ARHGAP24: variants seen among roughly 807,000 people sequenced by gnomAD.
ARHGAP24 encodes the protein Rho GTPase activating protein 24.
A neutral mutation model predicts 76.4 loss-of-function variants in ARHGAP24; 50 were observed. That is an observed-to-expected ratio of 0.65 (90% CI 0.52 to 0.83). ARHGAP24 has a LOEUF of 0.83. Among genes scored for constraint, ARHGAP24 ranks in the 40% least tolerant of loss-of-function variants. The probability of loss-of-function intolerance (pLI) is 0.00; values close to 1 mark genes in which losing one functional copy is unlikely to be tolerated. For synonymous variants in ARHGAP24, 345 were observed against 323.3 expected, an observed-to-expected ratio of 1.07 and a Z score of -0.72; for missense variants, 930 against 914.2, an observed-to-expected ratio of 1.02 and a Z score of -0.22.
intron 1 of ARHGAP24, among the ~76,000 whole-genome samples, chr4:85,548,593 T>A (rs1269813279): frequency 6.6e-6 from 1 of 152,188 alleles, no homozygotes; most frequent in African/African-American, 2.4e-5. Flanking sequence ...AGAAAGCAAT[T>A]TCAGAATTGC....
At chr4:85,778,397 C>T (rs1431663551) in intron 3 of ARHGAP24, among the ~76,000 whole-genome samples, 2 of 152,122 alleles carry the variant, frequency 1.3e-5, no homozygotes, top group Non-Finnish European at 2.9e-5. Context: ...ACTATTTCCC[C>T]TCAGGTATGT....
chr4:85,628,816 C>G (rs1721063211), intron 2 of ARHGAP24, among the ~76,000 whole-genome samples: 1 of 152,180 alleles, frequency 6.6e-6, no homozygotes, highest in Non-Finnish European at 1.5e-5. Flanking sequence ...CTTCTGCTCT[C>G]TGGTAATACA....
intron 3 of ARHGAP24, among the ~76,000 whole-genome samples, chr4:85,746,313 C>T (rs1394771857): frequency 6.6e-6 from 1 of 152,184 alleles, no homozygotes; most frequent in African/African-American, 2.4e-5. Flanking sequence ...ATGCAGCCCT[C>T]CTTCTTTTGA....
At chr4:85,502,042 G>A (rs377249603) in intron 1 of ARHGAP24, among the ~76,000 whole-genome samples, 1 of 152,228 alleles carries the variant, frequency 6.6e-6, no homozygotes, top group East Asian at 1.9e-4. Context: ...TAGATATGCG[G>A]TGATATTTAT....
chr4:85,485,738 G>GTTTT (rs1297372157), intron 1 of ARHGAP24, among the ~76,000 whole-genome samples: 1 of 138,258 alleles, frequency 7.2e-6, no homozygotes, highest in Non-Finnish European at 1.6e-5. Context: ...CTTTTGAACA[G>GTTTT]TTTTTTTTTT....
At chr4:85,513,153 C>T (rs2110106526) in intron 1 of ARHGAP24, among the ~76,000 whole-genome samples, 1 of 152,342 alleles carries the variant, frequency 6.6e-6, no homozygotes, top group Admixed American at 6.5e-5. Context: ...GAAACATCTC[C>T]ATCAGGAGGC....
chr4:85,965,254 G>A (rs1738519307), intron 5 of ARHGAP24, among the ~76,000 whole-genome samples: 1 of 152,064 alleles, frequency 6.6e-6, no homozygotes, highest in African/African-American at 2.4e-5. Context: ...GCTTGGGCAG[G>A]CAGACTCCCC....
chr4:85,699,551 A>G (rs1005515719), intron 2 of ARHGAP24, among the ~76,000 whole-genome samples: 5 of 151,950 alleles, frequency 3.3e-5, no homozygotes, highest in African/African-American at 1.2e-4. Context: ...GCAGTGAGCT[A>G]TGATCATGCC....
chr4:85,867,869 T>C (rs1009569431), intron 3 of ARHGAP24, among the ~76,000 whole-genome samples: 3 of 143,080 alleles, frequency 2.1e-5, no homozygotes, highest in Admixed American at 7.1e-5. Context: ...ATAACATATA[T>C]ATATAAACAT....
Position 85,591,030 on chromosome 4 carries a change from G to GTTTTTTTTTTT in ARHGAP24, c.180+20309_180+20310insTTTTTTTTTTT, listed in dbSNP as rs1560544158. ...CAGCACTAACCTGTAAAATCTGCTG[G>GTTTTTTTTTTT]GTTTTTTTTTTTTTTTTTTTTTTTT... On this transcript the variant is annotated intron_variant, in intron 2 of 9. Transcript: ENST00000395184. 1.5e-4 allele frequency among the ~76,000 whole-genome samples: 18 copies of GTTTTTTTTTTT among 121,882 alleles called. 1 individual carries two copies. The highest frequency in any genetic ancestry group is 5.7e-4 in the African/African-American group (18 of 31,672). 80.0% of individuals were successfully genotyped at this position (121,882 alleles called of 152,430 possible). A position where few individuals can be genotyped will look rare whatever the true frequency, so the allele number is the denominator to read the frequency against.
rs552953506 is a variant in ARHGAP24 at position 85,520,253 on chromosome 4, C to T, written c.-21+44694C>T. Among the ~76,000 whole-genome samples the T allele has an allele frequency of 2.1e-4, 32 of 152,046 alleles. No homozygotes were observed. The South Asian group carries it at 4.1e-3, about 20-fold the overall frequency. On this transcript the variant is annotated intron_variant, in intron 1 of 9. Transcript: ENST00000395184. Reference sequence around the variant, plus strand: ...GTTGTCAGGGGGTTTTCAAATGGCCCATAAATCCAAGTGCCCAGGTGTGGA... The same window carrying T: ...GTTGTCAGGGGGTTTTCAAATGGCCTATAAATCCAAGTGCCCAGGTGTGGA...
intron 3 of ARHGAP24, among the ~76,000 whole-genome samples, chr4:85,898,623 T>G (rs976101567): frequency 4.6e-5 from 7 of 152,192 alleles, no homozygotes; most frequent in African/African-American, 1.4e-4. Context: ...TTAACCAGGA[T>G]AGTTGAATAG....
intron 2 of ARHGAP24, among the ~76,000 whole-genome samples, chr4:85,581,023 C>T (rs1314464819): frequency 2.0e-5 from 3 of 151,996 alleles, no homozygotes; most frequent in Admixed American, 2.0e-4. Flanking sequence ...TTTTTATTGT[C>T]CCAGATAAGT....
chr4:85,696,172 C>G (rs1167866752), intron 2 of ARHGAP24, among the ~76,000 whole-genome samples: 1 of 8,766 alleles, frequency 1.1e-4, no homozygotes, highest in Non-Finnish European at 5.3e-3. Context: ...TTTTTAAATT[C>G]CTAAAATTAA....
chr4:85,785,603 G>A lies in ARHGAP24; in HGVS notation c.268+63631G>A, dbSNP rs140786223. 4.0e-3 allele frequency among the ~76,000 whole-genome samples: 608 copies of A among 151,948 alleles called. 1 individual carries two copies. The highest frequency in any genetic ancestry group is 0.014 in the African/African-American group (590 of 41,466). On this transcript the variant is annotated intron_variant, in intron 3 of 9. Coordinates refer to ENST00000395184, the MANE Select transcript of ARHGAP24 (RefSeq NM_001025616.3). Reference sequence around the variant, plus strand: ...AAATAAACACTTTCCTTTGTTCAATGCTTATATGTGGTTTTCTTTATTTAT... The same window carrying A: ...AAATAAACACTTTCCTTTGTTCAATACTTATATGTGGTTTTCTTTATTTAT...
chr4:85,763,327 G>A (rs1726804623), intron 3 of ARHGAP24, among the ~76,000 whole-genome samples: 2 of 152,164 alleles, frequency 1.3e-5, no homozygotes, highest in South Asian at 2.1e-4. Context: ...TAACCAGGAT[G>A]CCTGGGGCGC....
chr4:85,791,642 C>T (rs1479477778), intron 3 of ARHGAP24, among the ~76,000 whole-genome samples: 1 of 152,098 alleles, frequency 6.6e-6, no homozygotes, highest in Non-Finnish European at 1.5e-5. Context: ...CATCGTGTGC[C>T]CTTCCAATGG....
intron 3 of ARHGAP24, among the ~76,000 whole-genome samples, chr4:85,763,111 T>C (rs1204700115): frequency 6.6e-6 from 1 of 152,230 alleles, no homozygotes; most frequent in African/African-American, 2.4e-5. Flanking sequence ...CTGATTCTTA[T>C]ATTTTATAGT....
chr4:85,634,618 A>G (rs1316628848), intron 2 of ARHGAP24, among the ~76,000 whole-genome samples: 1 of 151,826 alleles, frequency 6.6e-6, no homozygotes, highest in African/African-American at 2.4e-5. Flanking sequence ...CAAAAATATC[A>G]CTTGTGATAT....
Sources: gnomAD v4.1 joint callset for allele counts (sites outside exome capture counted in the v4.1 genomes callset) on GRCh38, gnomAD v4.1.1 for gene constraint, MANE v1.5 for transcripts, NCBI Gene and HGNC (gene_info 2026-07-23, HGNC 2026-07-21) for gene names.